HECW1: variants seen among roughly 807,000 people sequenced by gnomAD.
HECW1 encodes the protein HECT, C2 and WW domain containing E3 ubiquitin protein ligase 1.
HECW1 carries 61 observed loss-of-function variants against 182.3 expected under a neutral mutation model. The ratio of observed to expected loss-of-function variants is 0.33; its 90% CI spans 0.27 to 0.41. The LOEUF (loss-of-function observed/expected upper bound fraction) is 0.41. HECW1 is among the 10% of genes least tolerant of loss of function. HECW1 has a pLI of 1.00. For missense variants in HECW1, 1,739 were observed against 2,108.9 expected, an observed-to-expected ratio of 0.82 and a Z score of 3.44; for synonymous variants, 859 against 832.6, an observed-to-expected ratio of 1.03 and a Z score of -0.55.
chr7:43,435,555 T>G (rs1430410316), intron 8 of HECW1, among the ~76,000 whole-genome samples: 1 of 152,218 alleles, frequency 6.6e-6, no homozygotes, highest in Admixed American at 6.5e-5. Context: ...AGGCACCTTA[T>G]AGGATTATAC....
At chr7:43,437,676 G>A (rs1483887966) in intron 8 of HECW1, among the ~76,000 whole-genome samples, 2 of 152,148 alleles carry the variant, frequency 1.3e-5, no homozygotes, top group Non-Finnish European at 2.9e-5. Context: ...CTTAATTACA[G>A]GTGAGTTTGT....
chr7:43,488,418 G>GAGAAAGAAAGAA (rs1554440413), intron 17 of HECW1, among the ~76,000 whole-genome samples: 9 of 85,030 alleles, frequency 1.1e-4, no homozygotes, highest in African/African-American at 3.4e-4. Flanking sequence ...GAAAGAGAGA[G>GAGAAAGAAAGAA]AGAGAAAGAA....
intron 5 of HECW1, among the ~76,000 whole-genome samples, chr7:43,329,200 G>T (rs1416480797): frequency 6.6e-6 from 1 of 152,188 alleles, no homozygotes; most frequent in African/African-American, 2.4e-5. Flanking sequence ...GTGGGAAGGG[G>T]TGAGGCTGGG....
At chr7:43,514,868 A>G (rs909523744) in intron 24 of HECW1, among the ~76,000 whole-genome samples, 2 of 152,228 alleles carry the variant, frequency 1.3e-5, no homozygotes, top group African/African-American at 4.8e-5. Flanking sequence ...ACAGATGAGG[A>G]AAATGAGGTG....
intron 19 of HECW1, among the ~76,000 whole-genome samples, chr7:43,497,818 A>G (rs1257451915): frequency 1.3e-5 from 2 of 152,174 alleles, no homozygotes; most frequent in Non-Finnish European, 2.9e-5. Flanking sequence ...GGATAATGGC[A>G]TCATTTACTG....
intron 25 of HECW1, 43 bp downstream of exon 25, chr7:43,541,304 C>A: frequency 6.7e-7 from 1 of 1,482,440 alleles, no homozygotes; most frequent in Non-Finnish European, 9.4e-7. Flanking sequence ...GCCCTGTCTG[C>A]AGGGCAAGGA....
intron 3 of HECW1, among the ~76,000 whole-genome samples, chr7:43,246,735 G>A (rs1402292244): frequency 6.6e-6 from 1 of 152,214 alleles, no homozygotes; most frequent in Non-Finnish European, 1.5e-5. Context: ...CATTGCAAAT[G>A]ACTGGCATCT....
chr7:43,442,044 G>C (rs557508284), intron 9 of HECW1, among the ~76,000 whole-genome samples: 1 of 152,306 alleles, frequency 6.6e-6, no homozygotes, highest in South Asian at 2.1e-4. Flanking sequence ...CGATACTTTC[G>C]TGAAGCTGGC....
In HECW1 at chr7:43,300,745, T is replaced by C. The variant is rs144012128; in HGVS notation, c.28-11018T>C. On this transcript the variant is annotated intron_variant, in intron 3 of 29. Coordinates refer to ENST00000395891, the MANE Select transcript of HECW1 (RefSeq NM_015052.5). Reference sequence around the variant, plus strand: ...CCCACTGTGTACTGATGATGGGCATTATGGTTCATAATCCCAATGACTGGC... The same window carrying C: ...CCCACTGTGTACTGATGATGGGCATCATGGTTCATAATCCCAATGACTGGC... Among the ~76,000 whole-genome samples, 1,285 of 152,214 alleles carry C rather than the reference T, an allele frequency of 8.4e-3. 24 individuals carry two copies. The highest frequency in any genetic ancestry group is 0.029 in the African/African-American group (1,210 of 41,524).
At chr7:43,330,874 C>G (rs1020354129) in intron 5 of HECW1, among the ~76,000 whole-genome samples, 1 of 152,048 alleles carries the variant, frequency 6.6e-6, no homozygotes, top group Non-Finnish European at 1.5e-5. Flanking sequence ...AAGAAGAGGC[C>G]AGGGGAATAC....
chr7:43,161,476 A>G (rs1251900561), intron 2 of HECW1: 3 of 152,280 alleles, frequency 2.0e-5, no homozygotes, highest in Admixed American at 6.5e-5. Context: ...AGCCCTAGGC[A>G]GTATCTGTTG....
At chr7:43,143,212 C>T (rs953007274) in intron 2 of HECW1, among the ~76,000 whole-genome samples, 1 of 152,190 alleles carries the variant, frequency 6.6e-6, no homozygotes, top group Non-Finnish European at 1.5e-5. Flanking sequence ...CTCAGATGAT[C>T]CACCCACCTC....
chr7:43,204,772 A>G (rs987584117), intron 2 of HECW1, among the ~76,000 whole-genome samples: 1 of 152,216 alleles, frequency 6.6e-6, no homozygotes, highest in Non-Finnish European at 1.5e-5. Flanking sequence ...GAGTTTGTTA[A>G]TTGACACTTA....
At position 43,432,178 on chromosome 7, in the gene HECW1, C is replaced by CGACA. The variant is rs1168856286; in HGVS notation, c.802-5824_802-5823insACAG. ...TTTTTGAGACGGAGTCTCGCTCTGT[C>CGACA]GCCCGGGCTGGAGTGCAGTGGCGGG... is the stretch of plus-strand genomic sequence containing the variant. On this transcript the variant is annotated intron_variant, in intron 8 of 29. Coordinates refer to ENST00000395891, the MANE Select transcript of HECW1 (RefSeq NM_015052.5). The surrounding 1 kb of genome is among the most constrained non-coding windows in gnomAD (Gnocchi z 4.1). Among the ~76,000 whole-genome samples, 1 of 145,402 alleles carries CGACA rather than the reference C, an allele frequency of 6.9e-6. No individual in the cohort carries two copies. The highest frequency in any genetic ancestry group is 1.5e-5 in the Non-Finnish European group (1 of 67,032).
intron 5 of HECW1, among the ~76,000 whole-genome samples, chr7:43,355,143 C>T (rs892712533): frequency 3.3e-5 from 5 of 151,856 alleles, no homozygotes; most frequent in African/African-American, 9.7e-5. Context: ...AATTCACTAC[C>T]ACCAGACCCA....
At chr7:43,322,155 C>T (rs185390440) in intron 5 of HECW1, among the ~76,000 whole-genome samples, 14 of 152,266 alleles carry the variant, frequency 9.2e-5, no homozygotes, top group East Asian at 3.9e-4. Flanking sequence ...CTGCAACCTC[C>T]GCCTCCCGGG....
At chr7:43,210,196 C>A (rs968132043) in intron 2 of HECW1, among the ~76,000 whole-genome samples, 26 of 152,074 alleles carry the variant, frequency 1.7e-4, no homozygotes, top group Admixed American at 6.6e-5. Flanking sequence ...ACCTTGCTGA[C>A]CAAGGACTCT....
chr7:43,165,034 G>T (rs1320336238), intron 2 of HECW1, among the ~76,000 whole-genome samples: 1 of 152,158 alleles, frequency 6.6e-6, no homozygotes, highest in African/African-American at 2.4e-5. Flanking sequence ...CCTTGTTTCA[G>T]AACATTTCCA....
At chr7:43,289,999 G>A (rs1805188165) in intron 3 of HECW1, among the ~76,000 whole-genome samples, 1 of 152,220 alleles carries the variant, frequency 6.6e-6, no homozygotes, top group African/African-American at 2.4e-5. Context: ...GGGTTGTGGA[G>A]GCCAAGGCCT....
Sources: gnomAD v4.1 joint callset for allele counts (sites outside exome capture counted in the v4.1 genomes callset) on GRCh38, gnomAD v4.1.1 for gene constraint, Gnocchi (gnomAD v3.1) non-coding constraint, MANE v1.5 for transcripts, NCBI Gene and HGNC (gene_info 2026-07-23, HGNC 2026-07-21) for gene names.